The following PIK3CD variants were observed in gnomAD, a reference collection of about 807,000 sequenced individuals.
The protein encoded by PIK3CD is phosphatidylinositol-4,5-bisphosphate 3-kinase catalytic subunit delta.
Under a neutral mutation model 122.9 loss-of-function variants are expected in PIK3CD, and 20 were observed. The observed-to-expected ratio is 0.16, with a 90% CI of 0.11 to 0.24. The LOEUF (loss-of-function observed/expected upper bound fraction) is 0.24, where lower values mean the gene tolerates loss of function less well. Among genes scored for constraint, PIK3CD ranks in the 10% least tolerant of loss-of-function variants. The pLI is 1.00. For missense variants in PIK3CD, 787 were observed against 1,406.3 expected, an observed-to-expected ratio of 0.56 and a Z score of 7.04; for synonymous variants, 596 against 593.4, an observed-to-expected ratio of 1.00 and a Z score of -0.06.
intron 1 of PIK3CD, among the ~76,000 whole-genome samples, chr1:9,665,150 G>A (rs1006245052): frequency 3.4e-5 from 5 of 146,068 alleles, no homozygotes; most frequent in African/African-American, 1.0e-4. Flanking sequence ...GCTGCAGTGA[G>A]CCGTGATCGC....
intron 1 of PIK3CD, among the ~76,000 whole-genome samples, chr1:9,659,285 C>A (rs1223809641): frequency 6.6e-6 from 1 of 152,080 alleles, no homozygotes; most frequent in East Asian, 1.9e-4. Flanking sequence ...ATGCAACAAA[C>A]CTGCACGTCC....
At chr1:9,690,472 T>C (rs1021694961) in intron 1 of PIK3CD, among the ~76,000 whole-genome samples, 1 of 152,236 alleles carries the variant, frequency 6.6e-6, no homozygotes, top group Non-Finnish European at 1.5e-5. Context: ...AGTCACTTAA[T>C]TGGTCAGCAA....
Position 9,720,357 on chromosome 1 carries a change from C to T in PIK3CD, c.1470+115C>T. 1.4e-6 allele frequency: 2 copies of T among 1,416,968 alleles called. No individual in the cohort carries two copies. The highest frequency in any genetic ancestry group is 1.9e-6 in the Non-Finnish European group (2 of 1,054,920). The allele number at this position is 1,416,968 out of a possible 1,614,324, so 87.8% of individuals were successfully genotyped here. A position where few individuals can be genotyped will look rare whatever the true frequency, so the allele number is the denominator to read the frequency against. On this transcript the variant is annotated intron_variant, in intron 11 of 23. Coordinates refer to ENST00000377346, the MANE Select transcript of PIK3CD (RefSeq NM_005026.5). The surrounding 1 kb of genome is among the most constrained non-coding windows in gnomAD (Gnocchi z 9.0). ...GCCACGTCGGGGCTGGGCTACCAGG[C>T]ATATCTGGGGCCTTCCCAGGGGCCA...
chr1:9,631,687 G>T, the PIK3CD span, among the ~76,000 whole-genome samples: 1 of 152,196 alleles, frequency 6.6e-6, no homozygotes, highest in Non-Finnish European at 1.5e-5. Context: ...AGGGAGGGGG[G>T]CAGGTCGGCC....
chr1:9,690,026 G>C (rs529740972), intron 1 of PIK3CD, among the ~76,000 whole-genome samples: 1 of 152,300 alleles, frequency 6.6e-6, no homozygotes, highest in South Asian at 2.1e-4. Context: ...GATGGGATCC[G>C]TGAGGCCTCC....
rs1219926818 is a variant in PIK3CD at position 9,724,645 on chromosome 1, G to A, written c.2865-159G>A. ...GGTCATGTAGCAGGAGGCTGGCTGGGGCACGGGGGTCAGTTAGCAGAACTG... is the reference window on the plus strand; with the variant it reads ...GGTCATGTAGCAGGAGGCTGGCTGGAGCACGGGGGTCAGTTAGCAGAACTG... On this transcript the variant is annotated intron_variant, in intron 22 of 23. Transcript: ENST00000377346. This position sits in a 1 kb window ranked among gnomAD's most constrained non-coding sequence, Gnocchi z 7.3. 6.6e-6 allele frequency among the ~76,000 whole-genome samples: 1 copy of A among 152,238 alleles called. No homozygotes were observed. Among genetic ancestry groups the A allele is most frequent in the Non-Finnish European group, 1.5e-5 (1 of 68,036 alleles).
intron 1 of PIK3CD, among the ~76,000 whole-genome samples, chr1:9,676,575 T>TGGGCCTG (rs1247285968): frequency 6.6e-6 from 1 of 152,234 alleles, no homozygotes; most frequent in Non-Finnish European, 1.5e-5. Context: ...AGGCCTCTTT[T>TGGGCCTG]GGGAAGTTGA....
chr1:9,640,943 C>T, the PIK3CD span, among the ~76,000 whole-genome samples: 1 of 152,296 alleles, frequency 6.6e-6, no homozygotes, highest in Non-Finnish European at 1.5e-5. Flanking sequence ...TCGAGACCCA[C>T]GCGGCTTCTC....
the PIK3CD span, among the ~76,000 whole-genome samples, chr1:9,639,594 G>A: frequency 1.1e-4 from 16 of 152,296 alleles, no homozygotes; most frequent in South Asian, 1.0e-3. Flanking sequence ...CCCCCACCCC[G>A]GCCCCAAGGA....
At chr1:9,708,956 A>G (rs1170403444) in intron 2 of PIK3CD, among the ~76,000 whole-genome samples, 2 of 152,158 alleles carry the variant, frequency 1.3e-5, no homozygotes, top group African/African-American at 4.8e-5. Context: ...AAGAGGGGGA[A>G]CACCAGGTCC....
intron 1 of PIK3CD, among the ~76,000 whole-genome samples, chr1:9,690,035 C>T (rs1646142015): frequency 6.6e-6 from 1 of 152,210 alleles, no homozygotes; most frequent in Admixed American, 6.5e-5. Context: ...CGTGAGGCCT[C>T]CAGCGGGCTT....
intron 1 of PIK3CD, chr1:9,672,383 G>A (rs912195608): frequency 1.3e-5 from 2 of 152,078 alleles, no homozygotes; most frequent in African/African-American, 4.8e-5. Context: ...TACCAAAGAG[G>A]ATGATGAACC....
At chr1:9,656,433 A>G (rs918254639) in intron 1 of PIK3CD, among the ~76,000 whole-genome samples, 5 of 152,190 alleles carry the variant, frequency 3.3e-5, no homozygotes, top group African/African-American at 9.7e-5. Context: ...ATGCTCAACC[A>G]GTGTTAACCT....
chr1:9,695,080 A>G (rs1156881525), intron 2 of PIK3CD, among the ~76,000 whole-genome samples: 2 of 152,230 alleles, frequency 1.3e-5, no homozygotes, highest in Non-Finnish European at 2.9e-5. Context: ...TATGGGGAAA[A>G]AAAGGCACAT....
chr1:9,690,554 T>C (rs1646162830), intron 1 of PIK3CD, among the ~76,000 whole-genome samples: 1 of 152,178 alleles, frequency 6.6e-6, no homozygotes, highest in African/African-American at 2.4e-5. Flanking sequence ...TGCGAAGTGC[T>C]TGCCACTGTC....
intron 23 of PIK3CD, 27 bp from the exon 24 acceptor site, chr1:9,726,882 G>A (rs1004038039): frequency 6.8e-6 from 11 of 1,613,454 alleles, no homozygotes; most frequent in African/African-American, 1.3e-5. Context: ...CCCCCTTAAC[G>A]TGGACACCGC....
Position 9,723,454 on chromosome 1 carries a change from G to T in PIK3CD, c.2594+162G>T, listed in dbSNP as rs560535106. 9.8e-5 allele frequency among the ~76,000 whole-genome samples: 15 copies of T among 152,304 alleles called. No individual in the cohort carries two copies. The South Asian group carries it at 3.1e-3, about 32-fold the overall frequency. On this transcript the variant is annotated intron_variant, in intron 20 of 23. Transcript: ENST00000377346. This position sits in a 1 kb window ranked among gnomAD's most constrained non-coding sequence, Gnocchi z 4.9. ...CCTGTGTCTGGGTTGGGGTGAGGTA[G>T]GTCTCTCTTCCCCAAGTATCAGTGT...
chr1:9,718,606 C>T lies in PIK3CD; in HGVS notation c.1021-88C>T. The T allele has an allele frequency of 8.2e-7, 1 of 1,216,420 alleles. No homozygotes were observed. Among genetic ancestry groups the T allele is most frequent in the South Asian group, 1.2e-5 (1 of 81,178 alleles). The allele number at this position is 1,216,420 out of a possible 1,614,324, so 75.4% of individuals were successfully genotyped here. A position where few individuals can be genotyped will look rare whatever the true frequency, so the allele number is the denominator to read the frequency against. ...AGTAGAGTTCAGACCCACCTGAGGA[C>T]ATTCAAGGGGGAGACTGACACCTTA... On this transcript the variant is annotated intron_variant, in intron 8 of 23. Coordinates refer to ENST00000377346, the MANE Select transcript of PIK3CD (RefSeq NM_005026.5). This position sits in a 1 kb window ranked among gnomAD's most constrained non-coding sequence, Gnocchi z 7.2.
chr1:9,691,307 G>A (rs902631111), intron 1 of PIK3CD, among the ~76,000 whole-genome samples, 160 bp from the exon 2 acceptor site: 6 of 152,362 alleles, frequency 3.9e-5, no homozygotes, highest in East Asian at 1.9e-4. Context: ...CAGATGGCAA[G>A]AAAGGCCGAT....
Sources: allele counts gnomAD v4.1 joint callset (sites outside exome capture counted in the v4.1 genomes callset), GRCh38; gene constraint gnomAD v4.1.1; non-coding constraint Gnocchi (gnomAD v3.1); transcripts MANE v1.5; gene names NCBI Gene and HGNC (gene_info 2026-07-23, HGNC 2026-07-21).